ARHGEF7: variants seen among roughly 807,000 people sequenced by gnomAD.
ARHGEF7 encodes the protein Rho guanine nucleotide exchange factor 7, also known as PAK-interacting exchange factor beta.
ARHGEF7 carries 33 observed loss-of-function variants against 109.8 expected under a neutral mutation model. The observed-to-expected ratio is 0.30, with a 90% CI of 0.23 to 0.40. The LOEUF (loss-of-function observed/expected upper bound fraction) is 0.40, where lower values mean the gene tolerates loss of function less well. Ranked by LOEUF, ARHGEF7 falls within the 10% of genes least tolerant of loss-of-function variation. The probability of loss-of-function intolerance (pLI) is 1.00; values close to 1 mark genes in which losing one functional copy is unlikely to be tolerated. For missense variants in ARHGEF7, 938 were observed against 1,098.5 expected, an observed-to-expected ratio of 0.85 and a Z score of 2.07; for synonymous variants, 458 against 424.6, an observed-to-expected ratio of 1.08 and a Z score of -0.97.
intron 8 of ARHGEF7, chr13:111,265,754 GA>G (rs904263199): frequency 1.8e-5 from 8 of 455,082 alleles, no homozygotes; most frequent in Admixed American, 1.6e-4. Context: ...CAGCCCTCAT[GA>G]ATAGGATCAG....
Position 111,166,323 on chromosome 13 carries a change from G to A in ARHGEF7, c.252+12332G>A, listed in dbSNP as rs1047548919. Among the ~76,000 whole-genome samples, 5 of 152,272 alleles carry A rather than the reference G, an allele frequency of 3.3e-5. No individual in the cohort carries two copies. In the East Asian group the frequency reaches 5.8e-4, roughly 18 times the overall value. On this transcript the variant is annotated intron_variant, in intron 2 of 21. Coordinates refer to ENST00000646102, the MANE Select transcript of ARHGEF7 (RefSeq NM_001354046.2). Reference sequence around the variant, plus strand: ...GGAGTCGTGGGGAGCGAGATCAGGTGGTCCTGTAGGTCCTGTCTTTTCCTC... The same window carrying A: ...GGAGTCGTGGGGAGCGAGATCAGGTAGTCCTGTAGGTCCTGTCTTTTCCTC...
rs549842174 is a variant in ARHGEF7, at chr13:111,187,998, C to A, written c.253-17291C>A. Among the ~76,000 whole-genome samples the A allele has an allele frequency of 4.7e-4, 71 of 152,340 alleles. 1 individual carries two copies. In the South Asian group the frequency reaches 6.4e-3, roughly 14 times the overall value. On this transcript the variant is annotated intron_variant, in intron 2 of 21. Coordinates refer to ENST00000646102, the MANE Select transcript of ARHGEF7 (RefSeq NM_001354046.2). Reference sequence around the variant, plus strand: ...AGCCTTGTTCTCTTTTCCTTGAGTACAGGTGGGGCTGATGACTCATTTCTT... The same window carrying A: ...AGCCTTGTTCTCTTTTCCTTGAGTAAAGGTGGGGCTGATGACTCATTTCTT...
intron 1 of ARHGEF7, among the ~76,000 whole-genome samples, chr13:111,152,595 A>G (rs1390109769): frequency 3.3e-5 from 5 of 152,354 alleles, no homozygotes; most frequent in African/African-American, 1.2e-4. Flanking sequence ...CCTGAGCACC[A>G]TAAAATGAAA....
intron 8 of ARHGEF7, among the ~76,000 whole-genome samples, chr13:111,247,631 A>C (rs575056720): frequency 6.6e-6 from 1 of 151,894 alleles, no homozygotes; most frequent in Non-Finnish European, 1.5e-5. Context: ...TGATTCGTAG[A>C]TGTCCAGGCC....
intron 4 of ARHGEF7, among the ~76,000 whole-genome samples, chr13:111,210,537 C>T (rs975874282): frequency 1.3e-5 from 2 of 152,210 alleles, no homozygotes; most frequent in Admixed American, 6.5e-5. Context: ...GAACAGTTGT[C>T]GTGGAGAGTG....
intron 4 of ARHGEF7, among the ~76,000 whole-genome samples, chr13:111,210,496 T>C (rs1320696395): frequency 2.0e-5 from 3 of 152,194 alleles, no homozygotes; most frequent in African/African-American, 4.8e-5. Context: ...GAATGACTGA[T>C]TGGGACGCAG....
chr13:111,144,842 G>A (rs1395102227), intron 1 of ARHGEF7: 1 of 152,146 alleles, frequency 6.6e-6, no homozygotes, highest in Non-Finnish European at 1.5e-5. Flanking sequence ...CTTCTCTAAT[G>A]TATTTAATAA....
chr13:111,240,133 C>T (rs560917174), intron 6 of ARHGEF7, among the ~76,000 whole-genome samples: 129 of 152,262 alleles, frequency 8.5e-4, no homozygotes, highest in African/African-American at 3.0e-3. Flanking sequence ...AGCTGGGAGC[C>T]CAGGTCCACG....
At chr13:111,300,651 A>T (rs946762882) in intron 19 of ARHGEF7, 97 bp from the exon 20 acceptor site, 3 of 824,310 alleles carry the variant, frequency 3.6e-6, no homozygotes, top group Non-Finnish European at 5.7e-6. Flanking sequence ...AATTGCTAGA[A>T]CTTAATATTT....
chr13:111,283,488 G>A (rs562691939), intron 16 of ARHGEF7, 125 bp downstream of exon 16: 4 of 1,417,634 alleles, frequency 2.8e-6, no homozygotes, highest in African/African-American at 2.9e-5. Context: ...AACTGAGAAG[G>A]GGGGGTCTGC....
chr13:111,280,753 G>T lies in ARHGEF7; in HGVS notation c.1725+76G>T. 3 of 1,345,636 alleles carry T rather than the reference G, an allele frequency of 2.2e-6. No individual in the cohort carries two copies. The South Asian group carries it at 5.5e-5, about 25-fold the overall frequency. The allele number at this position is 1,345,636 out of a possible 1,614,324, so 83.4% of individuals were successfully genotyped here. The stretch of plus-strand genomic sequence containing the variant: ...TGGCTGAGCTGTCAGCAAGTGATCA[G>T]TTGCTTTAAAACCTAATCAATATTT... On this transcript the variant is annotated intron_variant, in intron 15 of 21. Coordinates refer to ENST00000646102, the MANE Select transcript of ARHGEF7 (RefSeq NM_001354046.2).
intron 19 of ARHGEF7, among the ~76,000 whole-genome samples, chr13:111,295,924 C>T (rs1489261642): frequency 6.6e-6 from 1 of 152,236 alleles, no homozygotes; most frequent in African/African-American, 2.4e-5. Context: ...GACAGGTGTT[C>T]TCTTCTGATG....
chr13:111,265,349 A>C (rs1452461915), intron 8 of ARHGEF7: 1 of 354,660 alleles, frequency 2.8e-6, no homozygotes, highest in Non-Finnish European at 5.6e-6. Flanking sequence ...ACAGTTACTA[A>C]GAAATGAATA....
At chr13:111,183,036 T>C (rs753752975) in intron 2 of ARHGEF7, among the ~76,000 whole-genome samples, 1 of 152,196 alleles carries the variant, frequency 6.6e-6, no homozygotes, top group Non-Finnish European at 1.5e-5. Flanking sequence ...GTATCAAATG[T>C]ATTTTCAACT....
intron 1 of ARHGEF7, among the ~76,000 whole-genome samples, chr13:111,128,208 A>C (rs1375685928): frequency 6.6e-6 from 1 of 152,278 alleles, no homozygotes; most frequent in Non-Finnish European, 1.5e-5. Context: ...GGTCTCACCC[A>C]GTACAATCAA....
intron 2 of ARHGEF7, among the ~76,000 whole-genome samples, chr13:111,172,366 G>T (rs1211240341): frequency 6.6e-6 from 1 of 152,184 alleles, no homozygotes; most frequent in African/African-American, 2.4e-5. Context: ...GGCTTTTAGA[G>T]CATCGTCTCT....
intron 2 of ARHGEF7, chr13:111,182,400 A>G (rs2078838614): frequency 6.6e-6 from 1 of 152,512 alleles, no homozygotes; most frequent in South Asian, 2.1e-4. Context: ...TGTGTTGCAT[A>G]CAAAAGGCTT....
At chr13:111,284,213 C>T (rs1177601371) in intron 16 of ARHGEF7, among the ~76,000 whole-genome samples, 3 of 152,112 alleles carry the variant, frequency 2.0e-5, no homozygotes, top group Admixed American at 6.6e-5. Flanking sequence ...GATGGTGACA[C>T]GCTCTTGCCT....
At position 111,297,751 on chromosome 13, in the gene ARHGEF7, G is replaced by A. The variant is rs190862422; in HGVS notation, c.2312-2997G>A. Reference sequence around the variant, plus strand: ...GCCTCACAACTCCCGTACGGAAGTCGACCCCGTGTCTGACCCATTTCTTTA... The same window carrying A: ...GCCTCACAACTCCCGTACGGAAGTCAACCCCGTGTCTGACCCATTTCTTTA... On this transcript the variant is annotated intron_variant, in intron 19 of 21. Coordinates refer to ENST00000646102, the MANE Select transcript of ARHGEF7 (RefSeq NM_001354046.2). Among the ~76,000 whole-genome samples the A allele has an allele frequency of 2.1e-4, 32 of 152,306 alleles. No homozygotes were observed. In the East Asian group the frequency reaches 6.0e-3, roughly 28 times the overall value.
Sources: gnomAD v4.1 joint callset for allele counts (sites outside exome capture counted in the v4.1 genomes callset) on GRCh38, gnomAD v4.1.1 for gene constraint, MANE v1.5 for transcripts, NCBI Gene and HGNC (gene_info 2026-07-23, HGNC 2026-07-21) for gene names.